STAU2: variants seen among roughly 807,000 people sequenced by gnomAD.
STAU2 encodes staufen double-stranded RNA binding protein 2.
A neutral mutation model predicts 65.9 loss-of-function variants in STAU2; 20 were observed. That is an observed-to-expected ratio of 0.30 (90% CI 0.21 to 0.44). The LOEUF (loss-of-function observed/expected upper bound fraction) is 0.44, where lower values mean the gene tolerates loss of function less well. Ranked by LOEUF, STAU2 falls within the 20% of genes least tolerant of loss-of-function variation. The probability of loss-of-function intolerance (pLI) is 1.00; values close to 1 mark genes in which losing one functional copy is unlikely to be tolerated. For missense variants in STAU2, 558 were observed against 683.9 expected (o/e 0.82, Z 2.05); for synonymous variants, 232 against 233.9 (o/e 0.99, Z 0.07).
rs767450542 is a variant in STAU2 at position 73,552,256 on chromosome 8, T to C, written c.1286A>G (p.Lys429Arg). Residue 429 changes from lysine to arginine, a missense_variant, in exon 13 of 15, where the codon AAA (lysine) becomes AGA (arginine). Physicochemically the swap from Lys to Arg is conservative, Grantham distance 26 (BLOSUM62 2). Coordinates refer to ENST00000524300, the MANE Select transcript of STAU2 (RefSeq NM_001164380.2). ...GCCTAGAGTAGTGCCAGAGATTACT[T>C]TGTGGCGGCTGGCTTCCATCTCTTG... ...VYQEMEASRH[K>R]VISGTTLGYL... The C allele has an allele frequency of 1.1e-5, 17 of 1,613,848 alleles. No homozygotes were observed. Among genetic ancestry groups the C allele is most frequent in the South Asian group, 4.4e-5 (4 of 91,038 alleles).
intron 6 of STAU2, among the ~76,000 whole-genome samples, chr8:73,655,883 C>T (rs973223000): frequency 8.6e-5 from 13 of 151,068 alleles, no homozygotes; most frequent in Admixed American, 2.0e-4. Flanking sequence ...CTCCTGACCT[C>T]GTGATTCGCC....
intron 13 of STAU2, among the ~76,000 whole-genome samples, chr8:73,468,280 C>T (rs563852042): frequency 5.9e-5 from 9 of 152,306 alleles, no homozygotes; most frequent in Non-Finnish European, 8.8e-5. Context: ...TGGATCCCTT[C>T]CTTACACCTT....
chr8:73,438,850 A>G (rs564909570), intron 13 of STAU2: 28 of 426,002 alleles, frequency 6.6e-5, no homozygotes, highest in Admixed American at 3.3e-4. Flanking sequence ...GAGAAGGGCT[A>G]TCAGAGAGGT....
chr8:73,499,945 C>G (rs984126111), intron 13 of STAU2, among the ~76,000 whole-genome samples: 1 of 151,778 alleles, frequency 6.6e-6, no homozygotes, highest in Non-Finnish European at 1.5e-5. Context: ...GATTGGCGCT[C>G]TCACGGATTG....
At chr8:73,550,725 G>A in intron 13 of STAU2, 1 of 987,354 alleles carries the variant, frequency 1.0e-6, no homozygotes, top group Non-Finnish European at 1.2e-6. Flanking sequence ...TTTAAATTAA[G>A]TGGTTAAAAT....
intron 12 of STAU2, among the ~76,000 whole-genome samples, chr8:73,560,987 C>T (rs1586007320): frequency 6.6e-6 from 1 of 151,906 alleles, no homozygotes; most frequent in South Asian, 2.1e-4. Context: ...ATAAATTCAT[C>T]ATTCATCTTT....
At chr8:73,552,749 T>C (rs1807428870) in intron 12 of STAU2, among the ~76,000 whole-genome samples, 2 of 152,118 alleles carry the variant, frequency 1.3e-5, no homozygotes, top group Non-Finnish European at 1.5e-5. Context: ...GCTGAATCAG[T>C]CCAAATTTCT....
At chr8:73,436,865 G>A (rs916682595) in intron 13 of STAU2, among the ~76,000 whole-genome samples, 1 of 152,106 alleles carries the variant, frequency 6.6e-6, no homozygotes, top group Non-Finnish European at 1.5e-5. Context: ...GGGATTACAG[G>A]TGTCAGGCAC....
chr8:73,680,052 G>T (rs1377657738), intron 5 of STAU2, among the ~76,000 whole-genome samples: 1 of 136,948 alleles, frequency 7.3e-6, no homozygotes, highest in Non-Finnish European at 1.5e-5. Context: ...GTGGAACTAG[G>T]GAAGTACCAC....
At chr8:73,518,869 C>A (rs930634620) in intron 13 of STAU2, among the ~76,000 whole-genome samples, 4 of 151,956 alleles carry the variant, frequency 2.6e-5, no homozygotes, top group African/African-American at 7.3e-5. Context: ...AGTTAAATGT[C>A]AGCAGAAGAC....
intron 4 of STAU2, 75 bp from the exon 5 acceptor site, chr8:73,688,888 A>C: frequency 2.6e-6 from 4 of 1,533,280 alleles, no homozygotes; most frequent in Non-Finnish European, 3.5e-6. Flanking sequence ...TGAGAGAAAA[A>C]TAAACATCAT....
chr8:73,612,415 G>A (rs754701718), intron 9 of STAU2, among the ~76,000 whole-genome samples: 6 of 152,128 alleles, frequency 3.9e-5, no homozygotes, highest in Non-Finnish European at 8.8e-5. Flanking sequence ...TTCATACTCA[G>A]AACTGACTCC....
At chr8:73,658,068 G>T (rs1224521637) in intron 6 of STAU2, among the ~76,000 whole-genome samples, 1 of 149,970 alleles carries the variant, frequency 6.7e-6, no homozygotes, top group Non-Finnish European at 1.5e-5. Context: ...GGGGTTTTAA[G>T]AACTATCTTG....
intron 6 of STAU2, among the ~76,000 whole-genome samples, chr8:73,670,136 G>A (rs906799130): frequency 3.3e-5 from 5 of 152,074 alleles, no homozygotes; most frequent in African/African-American, 9.7e-5. Flanking sequence ...AAGGCAATGC[G>A]TATATTATAC....
At chr8:73,543,062 T>G (rs957781649) in intron 13 of STAU2, among the ~76,000 whole-genome samples, 2 of 152,154 alleles carry the variant, frequency 1.3e-5, no homozygotes, top group Non-Finnish European at 2.9e-5. Flanking sequence ...TGAAACAATT[T>G]GTGGTATATA....
At chr8:73,648,957 C>T (rs188681904) in intron 6 of STAU2, among the ~76,000 whole-genome samples, 143 of 152,212 alleles carry the variant, frequency 9.4e-4, no homozygotes, top group African/African-American at 3.3e-3. Context: ...CAGGCCTGCA[C>T]CACATGCCCA....
chr8:73,636,057 C>G (rs1180085967), intron 6 of STAU2, among the ~76,000 whole-genome samples: 1 of 151,362 alleles, frequency 6.6e-6, no homozygotes, highest in Non-Finnish European at 1.5e-5. Context: ...AACTGCCTGC[C>G]TAAAAAATTT....
intron 13 of STAU2, among the ~76,000 whole-genome samples, chr8:73,471,584 C>T (rs974355795): frequency 6.7e-5 from 10 of 149,768 alleles, no homozygotes; most frequent in South Asian, 4.2e-4. Context: ...TTTGGGAGGC[C>T]GAGGTGGGTA....
At chr8:73,477,290 T>G (rs1344128419) in intron 13 of STAU2, among the ~76,000 whole-genome samples, 1 of 152,122 alleles carries the variant, frequency 6.6e-6, no homozygotes, top group East Asian at 1.9e-4. Context: ...AGCAATGCTT[T>G]ACACACCGTA....
Sources: gnomAD v4.1 joint callset for allele counts (sites outside exome capture counted in the v4.1 genomes callset) on GRCh38, gnomAD v4.1.1 for gene constraint, MANE v1.5 for transcripts, NCBI Gene and HGNC (gene_info 2026-07-23, HGNC 2026-07-21) for gene names.